Variants in SAMMSON observed in about 807,000 individuals in gnomAD.
SAMMSON encodes long intergenic non-protein coding RNA 1212.
chr3:70,044,871 T>G (rs1189772603), intron 3 of SAMMSON, among the ~76,000 whole-genome samples: 1 of 146,782 alleles, frequency 6.8e-6, no homozygotes, highest in Admixed American at 6.9e-5. Flanking sequence ...TAATTAAACT[T>G]TAAATAAAAT....
At chr3:70,338,931 C>T (rs1051719566) in intron 7 of SAMMSON, among the ~76,000 whole-genome samples, 3 of 152,264 alleles carry the variant, frequency 2.0e-5, no homozygotes, top group African/African-American at 7.2e-5. Flanking sequence ...CAAAAAAGAG[C>T]CTGCATTGCC....
chr3:70,069,330 A>G (rs1441599262), intron 3 of SAMMSON: 1 of 152,238 alleles, frequency 6.6e-6, no homozygotes, highest in South Asian at 2.1e-4. Flanking sequence ...CTTATGGAGC[A>G]TCTACTTTGT....
intron 6 of SAMMSON, among the ~76,000 whole-genome samples, chr3:70,266,765 A>G (rs1418928885): frequency 2.0e-5 from 3 of 152,118 alleles, no homozygotes; most frequent in African/African-American, 7.2e-5. Flanking sequence ...CTTTTAAAAT[A>G]TATTTCTATA....
chr3:70,300,992 C>T (rs1575620291), intron 7 of SAMMSON, among the ~76,000 whole-genome samples: 1 of 152,074 alleles, frequency 6.6e-6, no homozygotes, highest in East Asian at 1.9e-4. Context: ...AGTAATTTCC[C>T]TTGGAAAAGT....
intron 3 of SAMMSON, among the ~76,000 whole-genome samples, chr3:70,022,366 A>G (rs967664229): frequency 1.4e-5 from 2 of 147,918 alleles, no homozygotes; most frequent in South Asian, 2.1e-4. Context: ...TGGCACATGT[A>G]TACATATGTA....
intron 7 of SAMMSON, among the ~76,000 whole-genome samples, chr3:70,328,668 G>C (rs1702598521): frequency 6.6e-6 from 1 of 152,164 alleles, no homozygotes; most frequent in Non-Finnish European, 1.5e-5. Flanking sequence ...TTGGGCATCA[G>C]TGAGTGGTGA....
At chr3:70,061,505 C>G (rs1346289293) in intron 3 of SAMMSON, among the ~76,000 whole-genome samples, 1 of 152,106 alleles carries the variant, frequency 6.6e-6, no homozygotes, top group Non-Finnish European at 1.5e-5. Flanking sequence ...GAGCATCTGG[C>G]AATTCTGGGT....
rs906362294 is a variant in SAMMSON, at chr3:70,193,431, C to G, written n.508-55676C>G. Among the ~76,000 whole-genome samples, 11 of 152,250 alleles carry G rather than the reference C, an allele frequency of 7.2e-5. No homozygotes were observed. The East Asian group carries it at 1.9e-3, about 27-fold the overall frequency. Reference sequence around the variant, plus strand: ...ACCTCAGCCTCCTGAGTGGCTAAGACTACAGGAATACACAACTATGCCAGC... The same window carrying G: ...ACCTCAGCCTCCTGAGTGGCTAAGAGTACAGGAATACACAACTATGCCAGC... On this transcript the variant is annotated intron_variant and non_coding_transcript_variant, in intron 4 of 9. Coordinates refer to ENST00000642114, the Ensembl canonical transcript of SAMMSON.
At chr3:70,204,849 A>T (rs1054174858) in intron 4 of SAMMSON, 2 of 152,116 alleles carry the variant, frequency 1.3e-5, no homozygotes, top group African/African-American at 4.8e-5. Context: ...GTGGATATGT[A>T]CAATGGCAAT....
chr3:70,347,966 C>G (rs1277581253), intron 7 of SAMMSON, among the ~76,000 whole-genome samples: 2 of 152,130 alleles, frequency 1.3e-5, no homozygotes, highest in Non-Finnish European at 2.9e-5. Flanking sequence ...TTGCTTGAAC[C>G]CAGGAGGCGG....
intron 7 of SAMMSON, among the ~76,000 whole-genome samples, chr3:70,314,492 T>G (rs1245944149): frequency 6.6e-6 from 1 of 152,078 alleles, no homozygotes; most frequent in African/African-American, 2.4e-5. Flanking sequence ...TACATATTAG[T>G]GGGGCCAGAA....
rs879262238 is a variant in SAMMSON at position 70,047,333 on chromosome 3, C to CT, written n.418-24130dup. Among the ~76,000 whole-genome samples, 378 of 143,356 alleles carry CT rather than the reference C, an allele frequency of 2.6e-3. 1 individual carries two copies. The highest frequency in any genetic ancestry group is 5.0e-3 in the African/African-American group (197 of 39,282). The allele number at this position is 143,356 out of a possible 152,430, so 94.0% of individuals were successfully genotyped here. A position where few individuals can be genotyped will look rare whatever the true frequency, so the allele number is the denominator to read the frequency against. ...TATTATATAATTTCTCTCTCTCTCTCTTTTTTTTTTTTTGAGACAGAGTCT... is the reference window on the plus strand; with the variant it reads ...TATTATATAATTTCTCTCTCTCTCTCTTTTTTTTTTTTTTGAGACAGAGTCT... On this transcript the variant is annotated intron_variant and non_coding_transcript_variant, in intron 3 of 9. Coordinates refer to ENST00000642114, the Ensembl canonical transcript of SAMMSON.
intron 3 of SAMMSON, among the ~76,000 whole-genome samples, chr3:70,067,825 A>G (rs985584151): frequency 6.6e-6 from 1 of 152,118 alleles, no homozygotes. Flanking sequence ...TCATTGAGGT[A>G]GGGTGACATA....
intron 7 of SAMMSON, among the ~76,000 whole-genome samples, chr3:70,352,987 A>C (rs1448196846): frequency 6.6e-6 from 1 of 152,090 alleles, no homozygotes; most frequent in African/African-American, 2.4e-5. Flanking sequence ...ACAAAAAGAT[A>C]AATTTTTTCA....
chr3:70,380,748 G>A (rs1252534706), intron 9 of SAMMSON, among the ~76,000 whole-genome samples: 2 of 151,218 alleles, frequency 1.3e-5, no homozygotes, highest in African/African-American at 4.9e-5. Flanking sequence ...CTTTGTCCAA[G>A]TGTTCTCATT....
At chr3:70,194,215 T>A (rs1250656966) in intron 4 of SAMMSON, among the ~76,000 whole-genome samples, 1 of 152,234 alleles carries the variant, frequency 6.6e-6, no homozygotes, top group African/African-American at 2.4e-5. Context: ...AAAGATTGTA[T>A]GTTCTTAAAT....
At chr3:70,044,730 G>A (rs2067117712) in intron 3 of SAMMSON, among the ~76,000 whole-genome samples, 1 of 151,294 alleles carries the variant, frequency 6.6e-6, no homozygotes, top group Non-Finnish European at 1.5e-5. Flanking sequence ...AATATTTATT[G>A]TAGCATTGAT....
chr3:70,103,352 C>CT (rs1177922188), intron 4 of SAMMSON, among the ~76,000 whole-genome samples: 2 of 152,160 alleles, frequency 1.3e-5, no homozygotes, highest in African/African-American at 4.8e-5. Context: ...GAAACGAAGG[C>CT]TATGGCAATG....
At chr3:70,209,335 T>C (rs948746009) in intron 4 of SAMMSON, among the ~76,000 whole-genome samples, 1 of 152,068 alleles carries the variant, frequency 6.6e-6, no homozygotes, top group African/African-American at 2.4e-5. Flanking sequence ...GCATTTCCCT[T>C]GTGGGACAAA....
Sources: gnomAD v4.1 joint callset for allele counts (sites outside exome capture counted in the v4.1 genomes callset) on GRCh38, gnomAD v4.1.1 for gene constraint, MANE v1.5 for transcripts, NCBI Gene and HGNC (gene_info 2026-07-23, HGNC 2026-07-21) for gene names.